The following PCDH10 variants were observed in gnomAD, a reference collection of about 807,000 sequenced individuals.
The protein encoded by PCDH10 is protocadherin 10.
A neutral mutation model predicts 74.4 loss-of-function variants in PCDH10; 15 were observed. That is an observed-to-expected ratio of 0.20 (90% CI 0.13 to 0.31). The LOEUF (loss-of-function observed/expected upper bound fraction) is 0.31. Ranked by LOEUF, PCDH10 falls within the 10% of genes least tolerant of loss-of-function variation. The probability of loss-of-function intolerance (pLI) is 1.00; values close to 1 mark genes in which losing one functional copy is unlikely to be tolerated. For synonymous variants in PCDH10, 619 were observed against 589.8 expected, an observed-to-expected ratio of 1.05 and a Z score of -0.72; for missense variants, 1,260 against 1,390.2, an observed-to-expected ratio of 0.91 and a Z score of 1.49.
chr4:133,204,845 A>C (rs141231760), intron 2 of PCDH10, among the ~76,000 whole-genome samples: 1 of 152,196 alleles, frequency 6.6e-6, no homozygotes. Context: ...ACAGCAATTT[A>C]TTAGTCACAT....
At chr4:133,172,830 A>G (rs1048024094) in intron 4 of PCDH10, among the ~76,000 whole-genome samples, 1 of 151,972 alleles carries the variant, frequency 6.6e-6, no homozygotes, top group African/African-American at 2.4e-5. Context: ...TTAATTATCC[A>G]AAGTCCCATT....
rs766277050 is a variant in PCDH10, at chr4:133,163,114, G to T, written c.2935G>T (p.Asp979Tyr). ...CAGCAATCTGCATGTTCCTGGCATG[G>T]ACTCTGTTCCAGACACTGAGGTGTT... is the stretch of plus-strand genomic sequence containing the variant. ...YRSNLHVPGM[D>Y]SVPDTEVFET... Residue 979 changes from aspartate (D) to tyrosine (Y), a missense_variant, in exon 4 of 5, where the codon GAC (aspartate) becomes TAC (tyrosine). Coordinates refer to ENST00000264360, the MANE Select transcript of PCDH10 (RefSeq NM_032961.3). The T allele has an allele frequency of 2.5e-6, 4 of 1,614,138 alleles. No individual in the cohort carries two copies. The highest frequency in any genetic ancestry group is 8.5e-7 in the Non-Finnish European group (1 of 1,180,032).
intron 1 of PCDH10, chr4:133,153,351 A>G (rs1006247953): frequency 1.4e-6 from 1 of 702,878 alleles, no homozygotes. Flanking sequence ...GGCTCTGGAC[A>G]GCATTTACAG....
intron 2 of PCDH10, among the ~76,000 whole-genome samples, chr4:133,207,846 G>C (rs1035341527): frequency 6.6e-6 from 1 of 152,056 alleles, no homozygotes; most frequent in Admixed American, 6.6e-5. Context: ...TGTTTATGTA[G>C]GGTTGACAGC....
chr4:133,198,040 G>T (rs1290550349), downstream of PCDH10, among the ~76,000 whole-genome samples: 2 of 150,288 alleles, frequency 1.3e-5, no homozygotes, highest in East Asian at 3.9e-4. Flanking sequence ...TCATATGAAA[G>T]AATACATGAA....
intron 3 of PCDH10, among the ~76,000 whole-genome samples, chr4:133,160,828 T>G (rs7681474): frequency 0.52 from 78,695 of 151,454 alleles, 21,002 homozygotes; most frequent in African/African-American, 0.63. Context: ...TTGAGTATAT[T>G]TTTATTTTAG....
At chr4:133,177,679 T>G (rs1024305716) in intron 4 of PCDH10, among the ~76,000 whole-genome samples, 8 of 152,172 alleles carry the variant, frequency 5.3e-5, no homozygotes, top group Admixed American at 1.3e-4. Context: ...TTTCTAGCAA[T>G]GGAAGAAATT....
chr4:133,190,405 G>T lies in PCDH10; in HGVS notation c.*245G>T. ...AACAGATTTTGCCTCCCCGATCAGTGTGTGCCTGTTTACAGCACTATCTAT... is the reference window on the plus strand; with the variant it reads ...AACAGATTTTGCCTCCCCGATCAGTTTGTGCCTGTTTACAGCACTATCTAT... On this transcript the variant is annotated 3_prime_UTR_variant, in exon 5 of 5. Transcript: ENST00000264360. 1.8e-6 allele frequency: 1 copy of T among 553,220 alleles called. No homozygotes were observed. Among genetic ancestry groups the T allele is most frequent in the East Asian group, 2.9e-5 (1 of 33,978 alleles). The allele number at this position is 553,220 out of a possible 1,614,324, so 34.3% of individuals were successfully genotyped here.
chr4:133,149,854 T>C lies in PCDH10; in HGVS notation c.-287T>C, dbSNP rs1726608777. 3.6e-6 allele frequency: 1 copy of C among 274,544 alleles called. No homozygotes were observed. Among genetic ancestry groups the C allele is most frequent in the African/African-American group, 2.2e-5 (1 of 45,534 alleles). The allele number at this position is 274,544 out of a possible 1,614,324, so 17.0% of individuals were successfully genotyped here. A position where few individuals can be genotyped will look rare whatever the true frequency, so the allele number is the denominator to read the frequency against. On this transcript the variant is annotated 5_prime_UTR_variant, in exon 1 of 5. Coordinates refer to ENST00000264360, the MANE Select transcript of PCDH10 (RefSeq NM_032961.3). ...CTGTCGGAATAAAGGACGCTGACTATTGTATTATTGTTATTTTATTAATTA... is the reference window on the plus strand; with the variant it reads ...CTGTCGGAATAAAGGACGCTGACTACTGTATTATTGTTATTTTATTAATTA...
chr4:133,152,433 G>A lies in PCDH10; in HGVS notation c.2293G>A (p.Gly765Ser), dbSNP rs1726741387. 6.2e-7 allele frequency: 1 copy of A among 1,614,038 alleles called. No homozygotes were observed. Among genetic ancestry groups the A allele is most frequent in the Non-Finnish European group, 8.5e-7 (1 of 1,180,050 alleles). Residue 765 changes from glycine (G) to serine (S), a missense_variant, in exon 1 of 5, where the codon GGC becomes AGC. Physicochemically the swap from Gly to Ser is moderately conservative, Grantham distance 56. Around this residue, in one of 11 missense-constraint regions of PCDH10, gnomAD observed 587 missense variants for 616.9 expected, o/e 0.95. Transcript: ENST00000264360. ...DCCLCCCCCG[G>S]GGSTCCGRQA... ...CTGCCTCTGCTGCTGCTGCTGCGGT[G>A]GCGGAGGTTCGACCTGCTGTGGCCG...
intron 4 of PCDH10, among the ~76,000 whole-genome samples, chr4:133,177,542 AC>A (rs1207509925): frequency 6.6e-6 from 1 of 152,096 alleles, no homozygotes; most frequent in East Asian, 1.9e-4. Context: ...ATAACAAGAG[AC>A]CTAACAACTA....
chr4:133,154,006 A>G, intron 1 of PCDH10: 1 of 313,268 alleles, frequency 3.2e-6, no homozygotes, highest in Middle Eastern at 9.3e-4. Context: ...TGTTAGAGAC[A>G]ATAGTATATG....
rs375415963 is a variant in PCDH10 at position 133,161,939 on chromosome 4, T to C, written c.2798-1038T>C. On this transcript the variant is annotated intron_variant, in intron 3 of 4. Transcript: ENST00000264360. ...AAAATGCTATTTTTGTTTATGTGTT[T>C]TTCTGTGTAGTGCTATATATATCAG... is the stretch of plus-strand genomic sequence containing the variant. Among the ~76,000 whole-genome samples the C allele has an allele frequency of 2.6e-5, 4 of 152,280 alleles. No individual in the cohort carries two copies. The East Asian group carries it at 5.8e-4, about 22-fold the overall frequency.
Position 133,162,962 on chromosome 4 carries a change from GT to G in PCDH10, c.2798-11del. 1 of 1,597,242 alleles carries G rather than the reference GT, an allele frequency of 6.3e-7. No individual in the cohort carries two copies. The highest frequency in any genetic ancestry group is 1.3e-5 in the African/African-American group (1 of 74,528). ...GGTGAAGACTACATCCGTAGTTTCTGTTTTCTGCTTACAGGTATGGATCTCT... is the reference window on the plus strand; with the variant it reads ...GGTGAAGACTACATCCGTAGTTTCTGTTTCTGCTTACAGGTATGGATCTCT... On this transcript the variant is annotated splice_polypyrimidine_tract_variant and intron_variant, in intron 3 of 4. Coordinates refer to ENST00000264360, the MANE Select transcript of PCDH10 (RefSeq NM_032961.3).
Position 133,190,286 on chromosome 4 carries a change from G to A in PCDH10, c.*126G>A, listed in dbSNP as rs540494280. The A allele has an allele frequency of 3.6e-5, 30 of 841,210 alleles. 1 individual carries two copies. In the South Asian group the frequency reaches 4.1e-4, roughly 11 times the overall value. The allele number at this position is 841,210 out of a possible 1,614,324, so 52.1% of individuals were successfully genotyped here. A position where few individuals can be genotyped will look rare whatever the true frequency, so the allele number is the denominator to read the frequency against. Reference sequence around the variant, plus strand: ...ATGTGTAACTGAGTATTAGATTTCGGATGGAGTCATCATGGCCAATTATAG... The same window carrying A: ...ATGTGTAACTGAGTATTAGATTTCGAATGGAGTCATCATGGCCAATTATAG... On this transcript the variant is annotated 3_prime_UTR_variant, in exon 5 of 5. Transcript: ENST00000264360.
At chr4:133,189,168 A>G (rs1200093085) in intron 4 of PCDH10, among the ~76,000 whole-genome samples, 1 of 152,132 alleles carries the variant, frequency 6.6e-6, no homozygotes, top group African/African-American at 2.4e-5. Flanking sequence ...AAAAAAAGCA[A>G]CCATTTATGA....
chr4:133,154,553 A>G (rs1726821557), intron 2 of PCDH10, among the ~76,000 whole-genome samples, 188 bp downstream of exon 2: 1 of 152,238 alleles, frequency 6.6e-6, no homozygotes, highest in Non-Finnish European at 1.5e-5. Context: ...TTTCATTTAT[A>G]TACAACGCTT....
Position 133,150,363 on chromosome 4 carries a change from G to C in PCDH10, c.223G>C (p.Val75Leu), listed in dbSNP as rs778382758. 1.2e-6 allele frequency: 2 copies of C among 1,613,914 alleles called. No individual in the cohort carries two copies. Among genetic ancestry groups the C allele is most frequent in the Non-Finnish European group, 1.7e-6 (2 of 1,179,946 alleles). Residue 75 changes from valine (V) to leucine (L), a missense_variant, in exon 1 of 5, where the codon GTG (valine) becomes CTG (leucine). By Grantham distance (32) the Val-to-Leu change is conservative. Transcript: ENST00000264360. ...CAACCTGGAGACAGGGGTGCTGTAC[G>C]TGAACGAGAAAATAGACCGCGAACA... ...DLNLETGVLYVNEKIDREQIC... is the reference protein window; with the variant it reads ...DLNLETGVLYLNEKIDREQIC...
rs750370768 is a variant in PCDH10, at chr4:133,155,061, T to C, written c.2797+38T>C. 5.1e-6 allele frequency: 7 copies of C among 1,370,946 alleles called. No individual in the cohort carries two copies. In the South Asian group the frequency reaches 5.8e-5, roughly 11 times the overall value. 84.9% of individuals were successfully genotyped at this position (1,370,946 alleles called of 1,614,324 possible). A position where few individuals can be genotyped will look rare whatever the true frequency, so the allele number is the denominator to read the frequency against. On this transcript the variant is annotated intron_variant, in intron 3 of 4. Transcript: ENST00000264360. ...AAAGGGCAATCTAAATGCTAACTTT[T>C]ATAGTTTTTGTTTTTAAAAATAAAC...
Sources: allele counts gnomAD v4.1 joint callset (sites outside exome capture counted in the v4.1 genomes callset), GRCh38; gene constraint gnomAD v4.1.1; regional missense constraint gnomAD v4.1.1; transcripts MANE v1.5; gene names NCBI Gene and HGNC (gene_info 2026-07-23, HGNC 2026-07-21).